COL28A1: variants seen among roughly 807,000 people sequenced by gnomAD.
COL28A1 encodes collagen alpha-1(XXVIII) chain.
In COL28A1, 161 loss-of-function variants were observed where a neutral mutation model predicts 150.2. That is an observed-to-expected ratio of 1.07 (90% CI 0.94 to 1.22). The LOEUF is 1.22. Ranked by LOEUF, COL28A1 falls within the 50% of genes most tolerant of loss-of-function variation. COL28A1 has a pLI of 0.00. For missense variants in COL28A1, 1,617 were observed against 1,388.3 expected, an observed-to-expected ratio of 1.16 and a Z score of -2.62; for synonymous variants, 552 against 469.7, an observed-to-expected ratio of 1.18 and a Z score of -2.26.
chr7:7,434,339 A>G (rs1785193261), intron 23 of COL28A1, among the ~76,000 whole-genome samples: 1 of 152,180 alleles, frequency 6.6e-6, no homozygotes, highest in Admixed American at 6.5e-5. Context: ...ACTTCTCAGA[A>G]CCAATTTTTT....
intron 18 of COL28A1, among the ~76,000 whole-genome samples, chr7:7,445,139 G>A (rs889749412): frequency 1.3e-5 from 2 of 152,166 alleles, no homozygotes; most frequent in Admixed American, 1.3e-4. Flanking sequence ...TGTGCAGCCT[G>A]CAGAACTGTA....
At chr7:7,409,359 A>G (rs1432361370) in intron 27 of COL28A1, among the ~76,000 whole-genome samples, 1 of 152,166 alleles carries the variant, frequency 6.6e-6, no homozygotes, top group Non-Finnish European at 1.5e-5. Context: ...ACAAGAATGA[A>G]AAAATAAATA....
chr7:7,477,037 G>C, intron 14 of COL28A1, 75 bp downstream of exon 14: 1 of 813,966 alleles, frequency 1.2e-6, no homozygotes, highest in East Asian at 2.4e-5. Context: ...AATTGGCTAG[G>C]ACACATTTTT....
chr7:7,536,444 T>A (rs1484320397), upstream of COL28A1, among the ~76,000 whole-genome samples: 1 of 152,152 alleles, frequency 6.6e-6, no homozygotes, highest in African/African-American at 2.4e-5. Context: ...ATTTAATCAT[T>A]TATTAAGATG....
At chr7:7,361,282 A>G (rs1780638781) in intron 33 of COL28A1, among the ~76,000 whole-genome samples, 1 of 116,496 alleles carries the variant, frequency 8.6e-6, no homozygotes, top group South Asian at 3.4e-4. Flanking sequence ...TAACGAAACA[A>G]GAAAGGCATT....
intron 18 of COL28A1, among the ~76,000 whole-genome samples, chr7:7,446,558 C>T (rs1284219638): frequency 1.3e-5 from 2 of 152,118 alleles, no homozygotes; most frequent in Admixed American, 1.3e-4. Flanking sequence ...CTATCTTATA[C>T]AAACATTTCT....
chr7:7,430,787 C>A (rs1309937015), intron 25 of COL28A1, among the ~76,000 whole-genome samples: 24 of 151,726 alleles, frequency 1.6e-4, no homozygotes, highest in Admixed American at 1.0e-3. Context: ...AGGTGCTATG[C>A]CTTAAAGAAA....
intron 27 of COL28A1, among the ~76,000 whole-genome samples, chr7:7,414,923 A>G (rs1199674126): frequency 6.6e-6 from 1 of 152,234 alleles, no homozygotes; most frequent in African/African-American, 2.4e-5. Context: ...TAATTATTTT[A>G]TAGCCTGTAA....
chr7:7,427,442 T>C (rs1384407849), intron 25 of COL28A1, among the ~76,000 whole-genome samples: 1 of 152,200 alleles, frequency 6.6e-6, no homozygotes, highest in African/African-American at 2.4e-5. Context: ...GCCCTCCTTG[T>C]TGGGCACTGT....
intron 21 of COL28A1, among the ~76,000 whole-genome samples, chr7:7,437,706 C>A (rs1411122330): frequency 3.3e-5 from 5 of 152,176 alleles, no homozygotes; most frequent in Admixed American, 6.6e-5. Context: ...AACATTTTAT[C>A]TCTTGTGCAG....
At chr7:7,400,285 A>G (rs1783099673) in intron 27 of COL28A1, among the ~76,000 whole-genome samples, 1 of 152,172 alleles carries the variant, frequency 6.6e-6, no homozygotes, top group Non-Finnish European at 1.5e-5. Context: ...AAATGTAACC[A>G]CAAGTATTCT....
chr7:7,368,216 T>C (rs1188553151), intron 33 of COL28A1, among the ~76,000 whole-genome samples: 1 of 151,872 alleles, frequency 6.6e-6, no homozygotes, highest in African/African-American at 2.4e-5. Context: ...GGCCTATAGA[T>C]GAAGTTCAAG....
intron 32 of COL28A1, among the ~76,000 whole-genome samples, chr7:7,371,112 A>G (rs1197264178): frequency 6.6e-6 from 1 of 152,202 alleles, no homozygotes; most frequent in East Asian, 1.9e-4. Context: ...ATGTTCATCC[A>G]AAGTGTCTCT....
chr7:7,447,715 C>T (rs905236604), intron 18 of COL28A1, among the ~76,000 whole-genome samples: 3 of 151,934 alleles, frequency 2.0e-5, no homozygotes, highest in Non-Finnish European at 4.4e-5. Context: ...AAACACTGGA[C>T]AGAATTAAAA....
chr7:7,400,975 G>GTGTGTGTGTGTGTGT (rs1783145948), intron 27 of COL28A1, among the ~76,000 whole-genome samples: 1 of 119,074 alleles, frequency 8.4e-6, no homozygotes. Context: ...TGGGTATTTG[G>GTGTGTGTGTGTGTGT]GTGTGTGTGT....
rs147309507 is a variant in COL28A1 at position 7,461,962 on chromosome 7, A to T, written c.1303-5850T>A. Reference sequence around the variant, plus strand: ...ACAAAAATACTGTACTAACCAACCAAAGCTAAGGACCCTCACAGAGTCCAT... The same window carrying T: ...ACAAAAATACTGTACTAACCAACCATAGCTAAGGACCCTCACAGAGTCCAT... On this transcript the variant is annotated intron_variant, in intron 15 of 34. Coordinates refer to ENST00000399429, the MANE Select transcript of COL28A1 (RefSeq NM_001037763.3). Among the ~76,000 whole-genome samples the T allele has an allele frequency of 7.7e-4, 117 of 152,124 alleles. 2 individuals carry two copies. In the South Asian group the frequency reaches 0.018, roughly 23 times the overall value.
chr7:7,358,474 A>T lies in COL28A1; in HGVS notation c.*159T>A. On this transcript the variant is annotated 3_prime_UTR_variant, in exon 35 of 35. Transcript: ENST00000399429. Reference sequence around the variant, plus strand: ...AGCTTTCTTACCTATATAAGTGGTTAATAATATGTACATCCTAGGGCTGTA... The same window carrying T: ...AGCTTTCTTACCTATATAAGTGGTTTATAATATGTACATCCTAGGGCTGTA... 1.6e-6 allele frequency: 1 copy of T among 621,020 alleles called. No homozygotes were observed. The highest frequency in any genetic ancestry group is 2.7e-6 in the Non-Finnish European group (1 of 376,152). 38.5% of individuals were successfully genotyped at this position (621,020 alleles called of 1,614,324 possible). A position where few individuals can be genotyped will look rare whatever the true frequency, so the allele number is the denominator to read the frequency against.
chr7:7,487,298 C>T (rs533375116), intron 13 of COL28A1, among the ~76,000 whole-genome samples: 63 of 152,152 alleles, frequency 4.1e-4, no homozygotes, highest in African/African-American at 1.3e-3. Context: ...ATTTTTTACG[C>T]GGGGCACAGT....
At chr7:7,465,265 G>T (rs907276404) in intron 15 of COL28A1, among the ~76,000 whole-genome samples, 2 of 150 alleles carry the variant, frequency 0.013, no homozygotes, top group Non-Finnish European at 0.05. Flanking sequence ...TGCGCGAGCC[G>T]AAGCAGGGCG....
Sources: gnomAD v4.1 joint callset for allele counts (sites outside exome capture counted in the v4.1 genomes callset) on GRCh38, gnomAD v4.1.1 for gene constraint, MANE v1.5 for transcripts, NCBI Gene and HGNC (gene_info 2026-07-23, HGNC 2026-07-21) for gene names.